The following STX8 variants were observed in gnomAD, a reference collection of about 807,000 sequenced individuals.
STX8 encodes the protein syntaxin 8.
In STX8, 23 loss-of-function variants were observed where a neutral mutation model predicts 37.5. The ratio of observed to expected loss-of-function variants is 0.61; its 90% confidence interval spans 0.44 to 0.87. STX8 has a LOEUF of 0.87. STX8 is among the 40% of genes least tolerant of loss of function. The pLI is 0.00. For synonymous variants in STX8, 115 were observed against 99.1 expected, an observed-to-expected ratio of 1.16 and a Z score of -0.95; for missense variants, 313 against 284.7, an observed-to-expected ratio of 1.10 and a Z score of -0.71.
intron 6 of STX8, among the ~76,000 whole-genome samples, chr17:9,397,921 G>A (rs1387474599): frequency 6.7e-6 from 1 of 149,174 alleles, no homozygotes; most frequent in Non-Finnish European, 1.5e-5. Context: ...CCGGGAGGCA[G>A]AGGTTGCCGT....
Position 9,255,355 on chromosome 17 carries a change from C to T in STX8, c.644-4710G>A, listed in dbSNP as rs373524262. ...CAGCCTGGCCAACACAGAGAAACCACGTCTCTACTAAAAATACAAAAATTA... is the reference window on the plus strand; with the variant it reads ...CAGCCTGGCCAACACAGAGAAACCATGTCTCTACTAAAAATACAAAAATTA... On this transcript the variant is annotated intron_variant, in intron 7 of 7. Transcript: ENST00000306357. 5.4e-3 allele frequency among the ~76,000 whole-genome samples: 828 copies of T among 152,114 alleles called. 6 individuals are homozygous for T. The highest frequency in any genetic ancestry group is 0.03 in the South Asian group (144 of 4,822).
At chr17:9,322,852 C>A (rs1567782999) in intron 7 of STX8, among the ~76,000 whole-genome samples, 1 of 146,220 alleles carries the variant, frequency 6.8e-6, no homozygotes, top group Admixed American at 6.8e-5. Context: ...AGGCAAAACC[C>A]TCATTTGAAG....
chr17:9,351,176 C>CTTTTTTTTT (rs71135970), intron 7 of STX8, among the ~76,000 whole-genome samples: 4 of 99,814 alleles, frequency 4.0e-5, no homozygotes, highest in Admixed American at 1.2e-4. Context: ...ATTTCCTTGT[C>CTTTTTTTTT]TTTTTTTTTT....
At chr17:9,402,368 G>A (rs139917352) in intron 6 of STX8, among the ~76,000 whole-genome samples, 50 of 152,128 alleles carry the variant, frequency 3.3e-4, no homozygotes, top group African/African-American at 1.1e-3. Context: ...TGATCTGCCC[G>A]CCTCGGCCTC....
intron 6 of STX8, among the ~76,000 whole-genome samples, chr17:9,435,511 T>C (rs976682726): frequency 6.6e-6 from 1 of 152,220 alleles, no homozygotes; most frequent in Non-Finnish European, 1.5e-5. Flanking sequence ...TTATCTGGAT[T>C]GTGAAAACAT....
chr17:9,455,784 T>C (rs1183513062), intron 6 of STX8, among the ~76,000 whole-genome samples: 1 of 152,150 alleles, frequency 6.6e-6, no homozygotes, highest in Non-Finnish European at 1.5e-5. Context: ...GTACATACAA[T>C]ATTATTCACA....
chr17:9,518,997 G>A (rs1336967306), intron 4 of STX8, among the ~76,000 whole-genome samples: 2 of 152,130 alleles, frequency 1.3e-5, no homozygotes, highest in Admixed American at 6.5e-5. Flanking sequence ...GGTGGGGAGG[G>A]ACGTGCTCTC....
chr17:9,288,703 T>C (rs568177706), intron 7 of STX8, among the ~76,000 whole-genome samples: 1 of 150,394 alleles, frequency 6.6e-6, no homozygotes, highest in East Asian at 1.9e-4. Flanking sequence ...AATAAATAAA[T>C]AAAAGAATTT....
In STX8 at chr17:9,393,929, CAT is replaced by C. The variant is rs376486353; in HGVS notation, c.542-15278_542-15277del. Reference sequence around the variant, plus strand: ...TGTGTAGTGGCTAAACAAACCTACACATGTGTAAAAATTCACAGAACAACAAA... The same window carrying C: ...TGTGTAGTGGCTAAACAAACCTACACGTGTAAAAATTCACAGAACAACAAA... On this transcript the variant is annotated intron_variant, in intron 6 of 7. Coordinates refer to ENST00000306357, the MANE Select transcript of STX8 (RefSeq NM_004853.3). Among the ~76,000 whole-genome samples, 1,059 of 152,178 alleles carry C rather than the reference CAT, an allele frequency of 7.0e-3. 13 individuals carry two copies. Among genetic ancestry groups the C allele is most frequent in the African/African-American group, 0.017 (718 of 41,520 alleles).
chr17:9,287,350 G>A (rs554310021), intron 7 of STX8, among the ~76,000 whole-genome samples: 2 of 152,248 alleles, frequency 1.3e-5, no homozygotes, highest in Admixed American at 1.3e-4. Context: ...ACACAATCAG[G>A]CAAACTACCT....
chr17:9,531,788 A>C (rs1850290038), intron 4 of STX8, among the ~76,000 whole-genome samples: 1 of 151,276 alleles, frequency 6.6e-6, no homozygotes, highest in African/African-American at 2.4e-5. Context: ...AGTCTCATAC[A>C]TCTTTCATTT....
chr17:9,365,044 T>C (rs749154656), intron 7 of STX8, among the ~76,000 whole-genome samples: 23 of 152,050 alleles, frequency 1.5e-4, no homozygotes, highest in Admixed American at 2.6e-4. Flanking sequence ...GAAGAGAAAG[T>C]AATGAAGAGA....
At chr17:9,493,986 ATGTTT>A (rs1281092524) in intron 5 of STX8, among the ~76,000 whole-genome samples, 5 of 3,382 alleles carry the variant, frequency 1.5e-3, no homozygotes, top group Admixed American at 5.9e-3. Context: ...AGAAGTTCAT[ATGTTT>A]TGTTTTTTTT....
At chr17:9,337,846 C>G (rs1272787945) in intron 7 of STX8, among the ~76,000 whole-genome samples, 1 of 152,016 alleles carries the variant, frequency 6.6e-6, no homozygotes, top group Non-Finnish European at 1.5e-5. Context: ...TAAAGGAAAG[C>G]CAGGGATGCC....
In STX8 at chr17:9,449,420, C is replaced by T. The variant is rs1904961440; in HGVS notation, c.541+42409G>A. On this transcript the variant is annotated intron_variant, in intron 6 of 7. Transcript: ENST00000306357. ...CTAAAAATACAAAAAATTAGCCGGA[C>T]ATGGCGGCGGGCGCCTGTAGTCCCA... Among the ~76,000 whole-genome samples, 3 of 152,186 alleles carry T rather than the reference C, an allele frequency of 2.0e-5. No homozygotes were observed. In the South Asian group the frequency reaches 6.2e-4, roughly 32 times the overall value.
At chr17:9,566,673 G>A (rs537025010) in intron 2 of STX8, among the ~76,000 whole-genome samples, 4 of 152,236 alleles carry the variant, frequency 2.6e-5, no homozygotes, top group African/African-American at 9.6e-5. Flanking sequence ...TGTAATCCCA[G>A]CTACTCTGGA....
At chr17:9,574,160 A>G (rs1907798708) in intron 1 of STX8, among the ~76,000 whole-genome samples, 1 of 151,292 alleles carries the variant, frequency 6.6e-6, no homozygotes, top group South Asian at 2.1e-4. Context: ...AGTCCCAGCT[A>G]CTCCAGAGGC....
At chr17:9,374,713 AT>A (rs1000540770) in intron 7 of STX8, among the ~76,000 whole-genome samples, 1 of 152,202 alleles carries the variant, frequency 6.6e-6, no homozygotes, top group African/African-American at 2.4e-5. Flanking sequence ...TTAAGTAAAT[AT>A]TACAAAAAGA....
intron 6 of STX8, among the ~76,000 whole-genome samples, chr17:9,430,329 T>C (rs1258250039): frequency 6.7e-6 from 1 of 148,880 alleles, no homozygotes; most frequent in Non-Finnish European, 1.5e-5. Flanking sequence ...TTTCCAAAAC[T>C]TTAAAATTAT....
Sources: allele counts gnomAD v4.1 joint callset (sites outside exome capture counted in the v4.1 genomes callset), GRCh38; gene constraint gnomAD v4.1.1; transcripts MANE v1.5; gene names NCBI Gene and HGNC (gene_info 2026-07-23, HGNC 2026-07-21).